Variants in ACAT1 observed in about 807,000 individuals in gnomAD.
ACAT1 encodes the protein acetyl-CoA acetyltransferase 1.
A neutral mutation model predicts 47.3 loss-of-function variants in ACAT1; 28 were observed. The observed-to-expected ratio is 0.59, with a 90% CI of 0.44 to 0.81. The LOEUF is 0.81. Among genes scored for constraint, ACAT1 ranks in the 30% least tolerant of loss-of-function variants. The pLI is 0.00. For synonymous variants in ACAT1, 181 were observed against 173.6 expected (o/e 1.04, Z -0.34); for missense variants, 469 against 524.3 (o/e 0.89, Z 1.03).
chr11:108,124,515 T>A (rs1471411299), intron 1 of ACAT1, among the ~76,000 whole-genome samples: 2 of 152,070 alleles, frequency 1.3e-5, no homozygotes, highest in Non-Finnish European at 2.9e-5. Flanking sequence ...GTGATCCACC[T>A]CTGATGATCT....
chr11:108,119,916 A>G (rs890876170), upstream of ACAT1, among the ~76,000 whole-genome samples: 7 of 152,102 alleles, frequency 4.6e-5, no homozygotes, highest in Non-Finnish European at 1.0e-4. Flanking sequence ...ACAGGGTGCT[A>G]TATTAAAAAA....
At chr11:108,135,312 G>C (rs1240555496) in intron 5 of ACAT1, 70 bp downstream of exon 5, 1 of 1,121,988 alleles carries the variant, frequency 8.9e-7, no homozygotes, top group African/African-American at 1.5e-5. Context: ...AAAAATCTAG[G>C]CATATTCATA....
At position 108,147,542 on chromosome 11, in the gene ACAT1, C is replaced by G. The variant is rs1364304165; in HGVS notation, c.*152C>G. On this transcript the variant is annotated 3_prime_UTR_variant, in exon 12 of 12. Transcript: ENST00000265838. ...TTTAAAAATCAAAATGATGAAATCC[C>G]AAAACATTTTGAAATTAAAAATAAA... 9.6e-7 allele frequency: 1 copy of G among 1,037,928 alleles called. No homozygotes were observed. Among genetic ancestry groups the G allele is most frequent in the African/African-American group, 1.6e-5 (1 of 60,778 alleles). The allele number at this position is 1,037,928 out of a possible 1,614,324, so 64.3% of individuals were successfully genotyped here.
chr11:108,126,958 A>AT (rs1202021943), intron 1 of ACAT1, among the ~76,000 whole-genome samples: 2 of 151,104 alleles, frequency 1.3e-5, no homozygotes, highest in African/African-American at 2.4e-5. Context: ...ATGCCCTGTT[A>AT]TTTTTTTATT....
upstream of ACAT1, among the ~76,000 whole-genome samples, chr11:108,117,283 G>A (rs1057293739): frequency 3.2e-4 from 49 of 151,564 alleles, 1 homozygote; most frequent in Admixed American, 2.9e-3. Flanking sequence ...TCCAGCCTGG[G>A]TGACAGAGCA....
At position 108,146,363 on chromosome 11, in the gene ACAT1, G is replaced by T. The variant is rs1408749156; in HGVS notation, c.1163+4G>T. 6.2e-7 allele frequency: 1 copy of T among 1,613,624 alleles called. No individual in the cohort carries two copies. Among genetic ancestry groups the T allele is most frequent in the Non-Finnish European group, 8.5e-7 (1 of 1,179,728 alleles). On this transcript the variant is annotated splice_donor_region_variant and intron_variant, in intron 11 of 11. Coordinates refer to ENST00000265838, the MANE Select transcript of ACAT1 (RefSeq NM_000019.4). ...TTTCTCTGGGACATCCAATTGGGTA[G>T]GTAAAAATAATAACTATATCTAGGT...
rs889619279 is a variant in ACAT1, at chr11:108,138,821, T to C, written c.436-77T>C. The C allele has an allele frequency of 1.9e-5, 28 of 1,499,324 alleles. 1 individual carries two copies. In the South Asian group the frequency reaches 2.6e-4, roughly 14 times the overall value. The allele number at this position is 1,499,324 out of a possible 1,614,324, so 92.9% of individuals were successfully genotyped here. A position where few individuals can be genotyped will look rare whatever the true frequency, so the allele number is the denominator to read the frequency against. On this transcript the variant is annotated intron_variant, in intron 5 of 11. Coordinates refer to ENST00000265838, the MANE Select transcript of ACAT1 (RefSeq NM_000019.4). ...AAATGCATGTAGAATACTTGTTTGG[T>C]GGTAGCTGTATAAAGGGTGTCATGG...
At chr11:108,122,762 G>A (rs984767991) in intron 1 of ACAT1, among the ~76,000 whole-genome samples, 3 of 152,120 alleles carry the variant, frequency 2.0e-5, no homozygotes, top group Admixed American at 1.3e-4. Context: ...GGGAAGATGA[G>A]TTTTTAGCCT....
chr11:108,119,377 T>C (rs1446040214), upstream of ACAT1, among the ~76,000 whole-genome samples: 7 of 152,112 alleles, frequency 4.6e-5, no homozygotes, highest in Admixed American at 2.6e-4. Flanking sequence ...CTAATTTTTG[T>C]ATTTTTAGTA....
intron 5 of ACAT1, 138 bp from the exon 6 acceptor site, chr11:108,138,760 G>C (rs1041745001): frequency 3.5e-5 from 34 of 958,540 alleles, no homozygotes; most frequent in Non-Finnish European, 5.2e-5. Flanking sequence ...GGTAAAGAGG[G>C]TACTTCCTGT....
intron 1 of ACAT1, among the ~76,000 whole-genome samples, chr11:108,130,848 C>G (rs1236749991): frequency 6.6e-6 from 1 of 152,204 alleles, no homozygotes; most frequent in Non-Finnish European, 1.5e-5. Context: ...CTCCTGGGTT[C>G]AAGCAATTCT....
intron 1 of ACAT1, 197 bp downstream of exon 1, chr11:108,121,875 G>T (rs1301770494): frequency 2.9e-5 from 18 of 612,396 alleles, no homozygotes; most frequent in Middle Eastern, 4.4e-4. Context: ...TATTTTTACA[G>T]CGCGTTTCTA....
In ACAT1 at chr11:108,147,580, C is replaced by CT. The variant is rs1406548799; in HGVS notation, c.*196dup. The CT allele has an allele frequency of 3.9e-6, 3 of 772,628 alleles. 1 individual carries two copies. The highest frequency in any genetic ancestry group is 6.1e-5 in the Admixed American group (2 of 32,602). The allele number at this position is 772,628 out of a possible 1,614,324, so 47.9% of individuals were successfully genotyped here. On this transcript the variant is annotated 3_prime_UTR_variant, in exon 12 of 12. Transcript: ENST00000265838. ...AATTAAAAATAAATTTCTTCTTCTG[C>CT]TTTTTTCTTGGTAACCTTGAAAAGT...
chr11:108,121,370 C>T, upstream of ACAT1: 1 of 589,306 alleles, frequency 1.7e-6, no homozygotes, highest in Non-Finnish European at 3.0e-6. Flanking sequence ...CTCGTTGACC[C>T]CAGCGCCAGT....
At chr11:108,135,656 C>T (rs189867576) in intron 5 of ACAT1, among the ~76,000 whole-genome samples, 2 of 152,032 alleles carry the variant, frequency 1.3e-5, no homozygotes, top group South Asian at 2.1e-4. Flanking sequence ...GGTGAAACCC[C>T]GTCTCTACTA....
At chr11:108,138,011 CAG>C (rs764956466) in intron 5 of ACAT1, among the ~76,000 whole-genome samples, 1 of 151,742 alleles carries the variant, frequency 6.6e-6, no homozygotes, top group Non-Finnish European at 1.5e-5. Context: ...TTTTTAAAGA[CAG>C]AGTCTTGCTT....
intron 1 of ACAT1, among the ~76,000 whole-genome samples, chr11:108,125,319 T>G (rs921308780): frequency 1.3e-5 from 2 of 152,218 alleles, no homozygotes; most frequent in Non-Finnish European, 2.9e-5. Context: ...TCAGCATGTA[T>G]TATTATACAC....
chr11:108,121,780 G>T lies in ACAT1; in HGVS notation c.72+102G>T. Reference sequence around the variant, plus strand: ...CCGTTGCGGCTCCCGCGGCCCGGGCGCGCGGCTTAGGCCCCAGGACAGTCA... The same window carrying T: ...CCGTTGCGGCTCCCGCGGCCCGGGCTCGCGGCTTAGGCCCCAGGACAGTCA... On this transcript the variant is annotated intron_variant, in intron 1 of 11. Coordinates refer to ENST00000265838, the MANE Select transcript of ACAT1 (RefSeq NM_000019.4). 10 of 1,342,996 alleles carry T rather than the reference G, an allele frequency of 7.4e-6. No individual in the cohort carries two copies. The South Asian group carries it at 1.3e-4, about 17-fold the overall frequency. 83.2% of individuals were successfully genotyped at this position (1,342,996 alleles called of 1,614,324 possible).
At chr11:108,130,262 G>T (rs903817308) in intron 1 of ACAT1, among the ~76,000 whole-genome samples, 3 of 152,136 alleles carry the variant, frequency 2.0e-5, no homozygotes, top group Admixed American at 6.6e-5. Flanking sequence ...ATCAGCTCTG[G>T]CCAGAGGCAG....
Sources: allele counts gnomAD v4.1 joint callset (sites outside exome capture counted in the v4.1 genomes callset), GRCh38; gene constraint gnomAD v4.1.1; transcripts MANE v1.5; gene names NCBI Gene and HGNC (gene_info 2026-07-23, HGNC 2026-07-21).